IL1RAPL1: variants seen among roughly 807,000 people sequenced by gnomAD.
The protein encoded by IL1RAPL1 is interleukin-1 receptor accessory protein-like 1.
Under a neutral mutation model 48.4 loss-of-function variants are expected in IL1RAPL1, and 3 were observed. That is an observed-to-expected ratio of 0.06 (90% CI 0.03 to 0.16). IL1RAPL1 has a LOEUF of 0.16. Among genes scored for constraint, IL1RAPL1 ranks in the 10% least tolerant of loss-of-function variants. The pLI is 1.00. For synonymous variants in IL1RAPL1, 185 were observed against 187.7 expected (o/e 0.99, Z 0.12); for missense variants, 349 against 530.6 (o/e 0.66, Z 3.36).
chrX:29,695,957 A>T (rs1370056154), intron 6 of IL1RAPL1, among the ~76,000 whole-genome samples: 1 of 111,980 alleles, frequency 8.9e-6, no homozygotes. Flanking sequence ...TTTTCATAAT[A>T]AAAATAAAAT....
At chrX:29,029,417 C>T (rs1272803080) in intron 2 of IL1RAPL1, among the ~76,000 whole-genome samples, 1 of 111,436 alleles carries the variant, frequency 9.0e-6, no homozygotes, top group Non-Finnish European at 1.9e-5. Flanking sequence ...GGGGAGGGCT[C>T]ACACAGGTAA....
chrX:28,722,581 A>T (rs1184750219), intron 1 of IL1RAPL1, among the ~76,000 whole-genome samples: 2 of 111,223 alleles, frequency 1.8e-5, no homozygotes, highest in East Asian at 5.6e-4. Flanking sequence ...AATACCCTTT[A>T]TTTCTTTCTC....
intron 1 of IL1RAPL1, among the ~76,000 whole-genome samples, chrX:28,675,722 A>G (rs916426656): frequency 5.4e-5 from 6 of 111,816 alleles, no homozygotes; most frequent in Admixed American, 9.6e-5. Flanking sequence ...GGAAGGCAGT[A>G]TTGGATGGGA....
intron 2 of IL1RAPL1, among the ~76,000 whole-genome samples, chrX:28,889,218 T>C (rs1393473514): frequency 1.8e-5 from 2 of 111,466 alleles, no homozygotes; most frequent in Non-Finnish European, 3.8e-5. Context: ...TTCTTGCCTA[T>C]ACATATTAGA....
chrX:29,454,980 C>G (rs1363734840), intron 5 of IL1RAPL1, among the ~76,000 whole-genome samples: 1 of 111,083 alleles, frequency 9.0e-6, no homozygotes, highest in Non-Finnish European at 1.9e-5. Flanking sequence ...AAAAGCCATA[C>G]AGCATCCAAC....
chrX:28,785,768 C>T (rs1012984235), intron 1 of IL1RAPL1, among the ~76,000 whole-genome samples: 2 of 112,054 alleles, frequency 1.8e-5, no homozygotes, highest in African/African-American at 6.5e-5. Flanking sequence ...TTTAACAGGG[C>T]CAGTCTAATT....
chrX:29,917,655 T>C (rs1032419964), intron 7 of IL1RAPL1, 59 bp downstream of exon 7: 4 of 1,013,202 alleles, frequency 3.9e-6, no homozygotes, highest in South Asian at 4.1e-5. Flanking sequence ...CATTAGTGAA[T>C]AGAAAGTAAG....
At chrX:29,578,159 C>A (rs1922838045) in intron 5 of IL1RAPL1, among the ~76,000 whole-genome samples, 1 of 111,732 alleles carries the variant, frequency 8.9e-6, no homozygotes, top group Non-Finnish European at 1.9e-5. Flanking sequence ...AAATGGTTGA[C>A]CCTTTGGGAA....
intron 2 of IL1RAPL1, among the ~76,000 whole-genome samples, chrX:29,282,623 A>G (rs1406227387): frequency 8.9e-6 from 1 of 112,200 alleles, no homozygotes; most frequent in Non-Finnish European, 1.9e-5. Context: ...GCCCAGATCT[A>G]TTTTTACCGA....
At chrX:28,701,707 C>T (rs955125975) in intron 1 of IL1RAPL1, among the ~76,000 whole-genome samples, 6 of 111,473 alleles carry the variant, frequency 5.4e-5, no homozygotes, top group African/African-American at 2.0e-4. Context: ...AGAGATTCAG[C>T]ACCCAAAAAC....
chrX:29,518,121 A>G (rs1935466592), intron 5 of IL1RAPL1, among the ~76,000 whole-genome samples: 1 of 111,672 alleles, frequency 9.0e-6, no homozygotes, highest in South Asian at 3.7e-4. Context: ...GTGTTCTAGG[A>G]ATCGAGGTAA....
intron 6 of IL1RAPL1, among the ~76,000 whole-genome samples, chrX:29,864,775 T>C (rs1931657440): frequency 8.9e-6 from 1 of 112,166 alleles, no homozygotes; most frequent in African/African-American, 3.2e-5. Context: ...TTGGACCACT[T>C]TAAAGAAATG....
intron 6 of IL1RAPL1, among the ~76,000 whole-genome samples, chrX:29,696,050 A>C (rs973829371): frequency 1.3e-4 from 15 of 111,540 alleles, no homozygotes; most frequent in African/African-American, 4.9e-4. Flanking sequence ...AATTTTAGTG[A>C]GGCCTTAGAA....
chrX:29,861,600 A>G (rs1931585568), intron 6 of IL1RAPL1, among the ~76,000 whole-genome samples: 1 of 111,161 alleles, frequency 9.0e-6, no homozygotes, highest in Non-Finnish European at 1.9e-5. Context: ...TTCAGTGTAT[A>G]CTGCTTAGGT....
chrX:29,537,485 A>G (rs1346506382), intron 5 of IL1RAPL1, among the ~76,000 whole-genome samples: 1 of 110,236 alleles, frequency 9.1e-6, no homozygotes, highest in African/African-American at 3.3e-5. Context: ...ATAAAAGGAT[A>G]ATAGAATAAC....
intron 2 of IL1RAPL1, among the ~76,000 whole-genome samples, chrX:28,858,487 A>G (rs747505385): frequency 8.9e-6 from 1 of 112,280 alleles, no homozygotes; most frequent in African/African-American, 3.2e-5. Context: ...CCACCACCAT[A>G]GTTAGTCAGC....
At position 29,731,711 on chromosome X, in the gene IL1RAPL1, C is replaced by T. The variant is rs182559928; in HGVS notation, c.778+63207C>T. On this transcript the variant is annotated intron_variant, in intron 6 of 10. Transcript: ENST00000378993. ...TCTGACAGAAAAACTAGGATTTCAACCCCCAGCTGGGAGCTGGAGGGGAGT... is the reference window on the plus strand; with the variant it reads ...TCTGACAGAAAAACTAGGATTTCAATCCCCAGCTGGGAGCTGGAGGGGAGT... Among the ~76,000 whole-genome samples, 127 of 112,345 alleles carry T rather than the reference C, an allele frequency of 1.1e-3. 1 individual carries two copies. The highest frequency in any genetic ancestry group is 9.6e-4 in the Non-Finnish European group (51 of 53,260).
intron 5 of IL1RAPL1, among the ~76,000 whole-genome samples, chrX:29,547,849 GA>G (rs1172999863): frequency 5.4e-5 from 6 of 111,848 alleles, no homozygotes; most frequent in Non-Finnish European, 1.1e-4. Context: ...GTTAATTCTA[GA>G]AAAAAGATAT....
At chrX:29,250,982 A>C (rs1049712176) in intron 2 of IL1RAPL1, among the ~76,000 whole-genome samples, 2 of 93,673 alleles carry the variant, frequency 2.1e-5, no homozygotes, top group African/African-American at 7.0e-5. Context: ...TAAGCCAGGA[A>C]ACATTTTTTT....
Sources: gnomAD v4.1 joint callset for allele counts (sites outside exome capture counted in the v4.1 genomes callset) on GRCh38, gnomAD v4.1.1 for gene constraint, MANE v1.5 for transcripts, NCBI Gene and HGNC (gene_info 2026-07-23, HGNC 2026-07-21) for gene names.